CACNB2: variants seen among roughly 807,000 people sequenced by gnomAD.
CACNB2 encodes voltage-dependent L-type calcium channel subunit beta-2.
CACNB2 carries 42 observed loss-of-function variants against 73.3 expected under a neutral mutation model. The ratio of observed to expected loss-of-function variants is 0.57; its 90% CI spans 0.45 to 0.74. CACNB2 has a LOEUF of 0.74. Ranked by LOEUF, CACNB2 falls within the 30% of genes least tolerant of loss-of-function variation. The pLI, the probability that CACNB2 is intolerant of heterozygous loss-of-function variation, is 0.00. For synonymous variants in CACNB2, 348 were observed against 310.3 expected (o/e 1.12, Z -1.28); for missense variants, 940 against 853.0 (o/e 1.10, Z -1.27).
intron 2 of CACNB2, among the ~76,000 whole-genome samples, chr10:18,166,900 AAAAT>A (rs2032896544): frequency 6.6e-6 from 1 of 152,224 alleles, no homozygotes; most frequent in African/African-American, 2.4e-5. Flanking sequence ...ATAATAATAA[AAAAT>A]AAATAAAATA....
intron 3 of CACNB2, among the ~76,000 whole-genome samples, chr10:18,482,379 C>T (rs7097047): frequency 0.46 from 70,033 of 151,498 alleles, 16,224 homozygotes; most frequent in South Asian, 0.54. Context: ...CAGGGAAGTT[C>T]AGATTACTAC....
At chr10:18,461,005 C>G (rs2047545365) in intron 3 of CACNB2, among the ~76,000 whole-genome samples, 1 of 152,160 alleles carries the variant, frequency 6.6e-6, no homozygotes, top group Non-Finnish European at 1.5e-5. Flanking sequence ...TCTTGGCTCA[C>G]TGCAGCCTCC....
intron 2 of CACNB2, among the ~76,000 whole-genome samples, chr10:18,363,430 T>TCCCCATGGGGCCTTCTCTGA (rs1564470428): frequency 7.9e-5 from 12 of 151,968 alleles, no homozygotes; most frequent in Non-Finnish European, 7.4e-5. Context: ...GCCTTCTCTG[T>TCCCCATGGGGCCTTCTCTGA]TCCCCATGGA....
intron 3 of CACNB2, among the ~76,000 whole-genome samples, chr10:18,456,659 C>A (rs1033850930): frequency 6.6e-6 from 1 of 152,084 alleles, no homozygotes; most frequent in Non-Finnish European, 1.5e-5. Flanking sequence ...ACTTTCCATT[C>A]CTCCAGGCCT....
intron 2 of CACNB2, among the ~76,000 whole-genome samples, chr10:18,221,583 G>A (rs1278147933): frequency 6.6e-6 from 1 of 152,304 alleles, no homozygotes; most frequent in East Asian, 1.9e-4. Flanking sequence ...GGAGGCTGGG[G>A]TGGGAGGACT....
At chr10:18,374,619 C>T (rs1235156967) in intron 2 of CACNB2, among the ~76,000 whole-genome samples, 1 of 152,086 alleles carries the variant, frequency 6.6e-6, no homozygotes, top group African/African-American at 2.4e-5. Context: ...GTGGTGTAAT[C>T]TGAATAATCT....
intron 3 of CACNB2, among the ~76,000 whole-genome samples, chr10:18,492,620 C>CAA (rs371407084): frequency 0.023 from 2,049 of 89,950 alleles, 94 homozygotes; most frequent in African/African-American, 0.059. Context: ...GACTCTGTCT[C>CAA]AAAAAAAAAA....
intron 2 of CACNB2, among the ~76,000 whole-genome samples, chr10:18,325,141 T>C (rs1038890072): frequency 2.0e-5 from 3 of 152,192 alleles, no homozygotes; most frequent in African/African-American, 7.2e-5. Context: ...CCCCGTTTTT[T>C]AGTTGCAGAA....
rs869025370 is a variant in CACNB2 at position 18,538,276 on chromosome 10, C to T, written c.1399C>T (p.Pro467Ser). ...LEAYWKATHP[P>S]SSSLPNPLLS... The stretch of plus-strand genomic sequence containing the variant: ...GGCCTACTGGAAGGCCACCCATCCT[C>T]CCAGCAGTAGCCTCCCCAACCCTCT... The change falls in exon 13 of 14, where the codon CCC (proline) becomes TCC (serine). Residue 467 changes from proline to serine, a missense_variant. By Grantham distance (74) the Pro-to-Ser change is moderately conservative. Transcript: ENST00000324631. The T allele has an allele frequency of 9.3e-6, 15 of 1,614,038 alleles. 1 individual carries two copies. In the South Asian group the frequency reaches 1.4e-4, roughly 15 times the overall value.
At chr10:18,245,833 T>A (rs2036839479) in intron 2 of CACNB2, among the ~76,000 whole-genome samples, 1 of 152,170 alleles carries the variant, frequency 6.6e-6, no homozygotes, top group East Asian at 1.9e-4. Context: ...AGTGTTCCTA[T>A]CTGTACAAGA....
intron 10 of CACNB2, chr10:18,533,440 C>T (rs977764463): frequency 1.3e-5 from 2 of 152,670 alleles, no homozygotes; most frequent in African/African-American, 2.4e-5. Flanking sequence ...ACTAGATATT[C>T]TAATGTTTTG....
At chr10:18,366,409 A>G (rs906590741) in intron 2 of CACNB2, among the ~76,000 whole-genome samples, 12 of 151,446 alleles carry the variant, frequency 7.9e-5, no homozygotes, top group Admixed American at 7.9e-4. Flanking sequence ...AGCTTGCAGT[A>G]AGCCAAGATC....
chr10:18,177,249 A>T (rs2033647465), intron 2 of CACNB2, among the ~76,000 whole-genome samples: 2 of 152,176 alleles, frequency 1.3e-5, no homozygotes, highest in African/African-American at 4.8e-5. Context: ...GATGCACCTG[A>T]GAAAAACAAA....
intron 2 of CACNB2, among the ~76,000 whole-genome samples, chr10:18,382,875 A>C (rs1314538775): frequency 6.6e-6 from 1 of 152,100 alleles, no homozygotes; most frequent in African/African-American, 2.4e-5. Flanking sequence ...TTTGTAATAG[A>C]ATGATTTATA....
At chr10:18,381,273 C>T (rs1336092735) in intron 2 of CACNB2, among the ~76,000 whole-genome samples, 1 of 150,910 alleles carries the variant, frequency 6.6e-6, no homozygotes, top group African/African-American at 2.4e-5. Flanking sequence ...CTTTGGGAGG[C>T]CAAGGCCTCC....
intron 2 of CACNB2, among the ~76,000 whole-genome samples, chr10:18,267,613 A>G (rs930674756): frequency 1.3e-5 from 2 of 152,244 alleles, no homozygotes; most frequent in Non-Finnish European, 2.9e-5. Flanking sequence ...CTCAAAAAAG[A>G]AAACAAAAAA....
intron 2 of CACNB2, among the ~76,000 whole-genome samples, chr10:18,315,402 T>C (rs1164421340): frequency 7.1e-6 from 1 of 140,422 alleles, no homozygotes; most frequent in Non-Finnish European, 1.5e-5. Context: ...AGCTCACGCC[T>C]GTAATCCCAG....
intron 2 of CACNB2, among the ~76,000 whole-genome samples, chr10:18,292,458 C>A (rs2039104780): frequency 6.6e-6 from 1 of 152,140 alleles, no homozygotes; most frequent in East Asian, 1.9e-4. Context: ...GAGTTCGAGA[C>A]CAGCCTGGCC....
At chr10:18,460,873 A>G (rs1423655823) in intron 3 of CACNB2, among the ~76,000 whole-genome samples, 3 of 135,938 alleles carry the variant, frequency 2.2e-5, no homozygotes, top group African/African-American at 8.2e-5. Context: ...CTGGGTGAAA[A>G]AGCAAGATCT....
Sources: gnomAD v4.1 joint callset for allele counts (sites outside exome capture counted in the v4.1 genomes callset) on GRCh38, gnomAD v4.1.1 for gene constraint, MANE v1.5 for transcripts, NCBI Gene and HGNC (gene_info 2026-07-23, HGNC 2026-07-21) for gene names.